The following CACNG2 variants were observed in gnomAD, a reference collection of about 807,000 sequenced individuals.
CACNG2 encodes calcium voltage-gated channel auxiliary subunit gamma 2, also known as voltage-dependent calcium channel gamma-2 subunit.
CACNG2 carries 3 observed loss-of-function variants against 25.9 expected under a neutral mutation model. The observed-to-expected ratio is 0.12, with a 90% CI of 0.05 to 0.30. CACNG2 has a LOEUF of 0.30. Among genes scored for constraint, CACNG2 ranks in the 10% least tolerant of loss-of-function variants. The probability of loss-of-function intolerance (pLI) is 1.00; values close to 1 mark genes in which losing one functional copy is unlikely to be tolerated. For synonymous variants in CACNG2, 167 were observed against 173.3 expected (o/e 0.96, Z 0.29); for missense variants, 341 against 432.5 (o/e 0.79, Z 1.88).
At chr22:36,592,439 G>A (rs1308004764) in intron 1 of CACNG2, among the ~76,000 whole-genome samples, 1 of 152,126 alleles carries the variant, frequency 6.6e-6, no homozygotes, top group Non-Finnish European at 1.5e-5. Context: ...CCCCGAATGA[G>A]GTGGCTTGGG....
intron 1 of CACNG2, among the ~76,000 whole-genome samples, chr22:36,649,150 C>T (rs140761626): frequency 3.6e-4 from 55 of 152,284 alleles, no homozygotes; most frequent in Non-Finnish European, 5.7e-4. Flanking sequence ...ATGTCCTCCG[C>T]GGAGCTCCCA....
chr22:36,665,269 C>T (rs777516134), intron 1 of CACNG2, among the ~76,000 whole-genome samples: 5 of 152,178 alleles, frequency 3.3e-5, no homozygotes, highest in South Asian at 2.1e-4. Context: ...GGTTCGAAGC[C>T]TGCTCTGTTC....
chr22:36,595,939 G>A (rs1935671985), intron 1 of CACNG2, among the ~76,000 whole-genome samples: 1 of 152,198 alleles, frequency 6.6e-6, no homozygotes, highest in Non-Finnish European at 1.5e-5. Context: ...CAGCTTGCAG[G>A]TATTAAGTAG....
At chr22:36,583,763 C>T (rs894327454) in intron 2 of CACNG2, among the ~76,000 whole-genome samples, 4 of 152,130 alleles carry the variant, frequency 2.6e-5, no homozygotes, top group Non-Finnish European at 5.9e-5. Flanking sequence ...TGTTTCCAAC[C>T]GTCACTACCA....
At chr22:36,661,961 CTATTCTTTTTTTTT>C (rs1936803596) in intron 1 of CACNG2, among the ~76,000 whole-genome samples, 1 of 105,614 alleles carries the variant, frequency 9.5e-6, no homozygotes, top group African/African-American at 3.2e-5. Flanking sequence ...GGACTCATTG[CTATTCTTTTTTTTT>C]TTTTTTTTTT....
intron 1 of CACNG2, among the ~76,000 whole-genome samples, chr22:36,668,819 C>T (rs1460575245): frequency 6.6e-6 from 1 of 152,120 alleles, no homozygotes; most frequent in Non-Finnish European, 1.5e-5. Context: ...AAGTCTTGCT[C>T]TGAGTCCAAA....
At chr22:36,702,288 T>C in intron 1 of CACNG2, 78 bp downstream of exon 1, 1 of 793,594 alleles carries the variant, frequency 1.3e-6, no homozygotes. Flanking sequence ...AGGGGACTTA[T>C]TTGGAGGAGG....
intron 1 of CACNG2, among the ~76,000 whole-genome samples, chr22:36,636,882 C>T (rs1357822098): frequency 5.3e-5 from 8 of 152,218 alleles, no homozygotes; most frequent in African/African-American, 1.4e-4. Context: ...GCTTGTAATG[C>T]AGAGAAGAAG....
chr22:36,575,600 C>T (rs747701068), intron 2 of CACNG2, among the ~76,000 whole-genome samples: 12 of 152,160 alleles, frequency 7.9e-5, no homozygotes, highest in East Asian at 3.9e-4. Flanking sequence ...TAGCTCTCCA[C>T]GGGACCTGAG....
intron 1 of CACNG2, among the ~76,000 whole-genome samples, chr22:36,603,661 T>C (rs1242496231): frequency 6.6e-6 from 1 of 152,214 alleles, no homozygotes; most frequent in African/African-American, 2.4e-5. Context: ...TTAAGAAGTA[T>C]GCTAAATCTA....
intron 1 of CACNG2, among the ~76,000 whole-genome samples, chr22:36,672,136 C>G (rs1007505515): frequency 6.6e-6 from 1 of 151,836 alleles, no homozygotes; most frequent in Non-Finnish European, 1.5e-5. Context: ...GGAAGGGGCC[C>G]TGGTGGGGCT....
At chr22:36,588,986 C>CA (rs1555894103) in intron 1 of CACNG2, among the ~76,000 whole-genome samples, 2 of 129,186 alleles carry the variant, frequency 1.5e-5, no homozygotes, top group Non-Finnish European at 3.2e-5. Context: ...TTACATATAC[C>CA]TTTTTTTTTT....
In CACNG2 at chr22:36,620,177, G is replaced by C. The variant is rs553708197; in HGVS notation, c.212-32629C>G. ...ATCCTACCCCATCTTCTGTGACTTC[G>C]CTCAGATTACAGCAGAGCAGGCCAG... On this transcript the variant is annotated intron_variant, in intron 1 of 3. Transcript: ENST00000300105. Among the ~76,000 whole-genome samples, 5 of 152,310 alleles carry C rather than the reference G, an allele frequency of 3.3e-5. No individual in the cohort carries two copies. The South Asian group carries it at 1.0e-3, about 32-fold the overall frequency.
rs186748334 is a variant in CACNG2, at chr22:36,703,404, C to A, written c.-828G>T. On this transcript the variant is annotated 5_prime_UTR_variant, in exon 1 of 4. Coordinates refer to ENST00000300105, the MANE Select transcript of CACNG2 (RefSeq NM_006078.5). ...GAGAATCGAGGCGGATTTCCCTCCC[C>A]CTATCTGCAAAGCTCCTGGAAACGA... The A allele has an allele frequency of 1.5e-4, 23 of 153,198 alleles. No individual in the cohort carries two copies. Among genetic ancestry groups the A allele is most frequent in the Non-Finnish European group, 2.9e-4 (20 of 68,194 alleles). The allele number at this position is 153,198 out of a possible 1,614,324, so 9.5% of individuals were successfully genotyped here. A position where few individuals can be genotyped will look rare whatever the true frequency, so the allele number is the denominator to read the frequency against.
chr22:36,594,429 G>A (rs951331882), intron 1 of CACNG2, among the ~76,000 whole-genome samples: 16 of 152,190 alleles, frequency 1.1e-4, no homozygotes, highest in Admixed American at 9.8e-4. Flanking sequence ...TGAGAACAGA[G>A]GGGGAAAAAT....
At chr22:36,681,392 A>G (rs1937122474) in intron 1 of CACNG2, among the ~76,000 whole-genome samples, 1 of 152,182 alleles carries the variant, frequency 6.6e-6, no homozygotes, top group African/African-American at 2.4e-5. Context: ...TTCAGAGTCG[A>G]AAGTTTTTAA....
At chr22:36,580,419 G>A (rs1425365594) in intron 2 of CACNG2, among the ~76,000 whole-genome samples, 1 of 152,146 alleles carries the variant, frequency 6.6e-6, no homozygotes, top group African/African-American at 2.4e-5. Context: ...GCAACTGGGT[G>A]TACCTCTCTT....
intron 2 of CACNG2, among the ~76,000 whole-genome samples, chr22:36,584,175 G>A (rs1935463643): frequency 6.6e-6 from 1 of 152,168 alleles, no homozygotes; most frequent in Non-Finnish European, 1.5e-5. Flanking sequence ...GCTGGGGCCG[G>A]GCGTGGTGGC....
At chr22:36,577,643 C>T (rs144919080) in intron 2 of CACNG2, among the ~76,000 whole-genome samples, 2,065 of 135,386 alleles carry the variant, frequency 0.015, 26 homozygotes, top group African/African-American at 0.031. Flanking sequence ...AGTGAGACTC[C>T]GTCTTGGAAA....
Sources: gnomAD v4.1 joint callset for allele counts (sites outside exome capture counted in the v4.1 genomes callset) on GRCh38, gnomAD v4.1.1 for gene constraint, MANE v1.5 for transcripts, NCBI Gene and HGNC (gene_info 2026-07-23, HGNC 2026-07-21) for gene names.